The following PPARGC1A variants were observed in gnomAD, a reference collection of about 807,000 sequenced individuals.
PPARGC1A encodes PPARG coactivator 1 alpha, also known as peroxisome proliferator-activated receptor gamma coactivator 1-alpha.
Under a neutral mutation model 88.7 loss-of-function variants are expected in PPARGC1A, and 25 were observed. That is an observed-to-expected ratio of 0.28 (90% CI 0.21 to 0.39). PPARGC1A has a LOEUF of 0.39. PPARGC1A is among the 10% of genes least tolerant of loss of function. PPARGC1A has a pLI of 1.00. For synonymous variants in PPARGC1A, 363 were observed against 355.6 expected (o/e 1.02, Z -0.24); for missense variants, 880 against 968.7 (o/e 0.91, Z 1.22).
chr4:24,415,049 G>C, the PPARGC1A span, among the ~76,000 whole-genome samples: 2 of 152,056 alleles, frequency 1.3e-5, no homozygotes, highest in African/African-American at 4.8e-5. Flanking sequence ...AATTAGCTGA[G>C]TGCAGTGGCA....
At chr4:24,146,692 A>T in the PPARGC1A span, among the ~76,000 whole-genome samples, 1 of 152,208 alleles carries the variant, frequency 6.6e-6, no homozygotes, top group South Asian at 2.1e-4. Context: ...GGCCAACACC[A>T]GACCTTAACA....
At chr4:24,087,258 G>A in the PPARGC1A span, among the ~76,000 whole-genome samples, 18 of 152,286 alleles carry the variant, frequency 1.2e-4, no homozygotes, top group African/African-American at 3.4e-4. Flanking sequence ...GAAGGCTTAG[G>A]AACCTGTCTC....
At chr4:23,859,382 T>C (rs1233712059) in intron 2 of PPARGC1A, among the ~76,000 whole-genome samples, 1 of 152,094 alleles carries the variant, frequency 6.6e-6, no homozygotes, top group East Asian at 1.9e-4. Flanking sequence ...AAGGGGAAGG[T>C]ACAGGTACAT....
the PPARGC1A span, among the ~76,000 whole-genome samples, chr4:24,437,418 G>A: frequency 2.0e-5 from 3 of 152,178 alleles, no homozygotes; most frequent in Non-Finnish European, 4.4e-5. Context: ...AGGGAACGGG[G>A]GGTCCTAGGG....
chr4:24,068,547 G>A, the PPARGC1A span, among the ~76,000 whole-genome samples: 7 of 152,314 alleles, frequency 4.6e-5, no homozygotes, highest in South Asian at 1.5e-3. Context: ...TAAGAGCCAA[G>A]GCTGGGAAAA....
chr4:23,808,498 CTG>C (rs1427242564), intron 10 of PPARGC1A, among the ~76,000 whole-genome samples: 1 of 152,082 alleles, frequency 6.6e-6, no homozygotes, highest in African/African-American at 2.4e-5. Context: ...TGGCAGAAAA[CTG>C]TACAGATTGC....
rs563347130 is a variant in PPARGC1A, at chr4:23,799,899, A to T, written c.2293+1831T>A. 7.9e-5 allele frequency among the ~76,000 whole-genome samples: 12 copies of T among 152,128 alleles called. No individual in the cohort carries two copies. The South Asian group carries it at 2.3e-3, about 29-fold the overall frequency. On this transcript the variant is annotated intron_variant, in intron 12 of 12. Transcript: ENST00000264867. ...TCACTGAAGAAAATAAGTCAAATCA[A>T]CTCAAGACTTCAATCCGTCTTGACT... is the stretch of plus-strand genomic sequence containing the variant.
the PPARGC1A span, among the ~76,000 whole-genome samples, chr4:24,119,380 G>GAAAGACC: frequency 1.3e-5 from 2 of 151,840 alleles, no homozygotes; most frequent in African/African-American, 4.8e-5. Flanking sequence ...AAGACCTGGT[G>GAAAGACC]TTAGAAGGCA....
chr4:24,055,918 C>T, the PPARGC1A span, among the ~76,000 whole-genome samples: 3 of 152,198 alleles, frequency 2.0e-5, no homozygotes, highest in Non-Finnish European at 2.9e-5. Flanking sequence ...GGAACACTTT[C>T]GTCAGGTTGA....
the PPARGC1A span, among the ~76,000 whole-genome samples, chr4:24,472,538 A>G: frequency 6.6e-6 from 1 of 152,206 alleles, no homozygotes; most frequent in Non-Finnish European, 1.5e-5. The surrounding 1 kb of genome is among the most constrained non-coding windows in gnomAD (Gnocchi z 4.5). Flanking sequence ...TTAAAAATCA[A>G]ATTAAACCAA....
the PPARGC1A span, among the ~76,000 whole-genome samples, chr4:24,280,624 A>G: frequency 6.6e-6 from 1 of 152,242 alleles, no homozygotes; most frequent in South Asian, 2.1e-4. Flanking sequence ...GTGGTCGGGA[A>G]GATAACACAC....
At chr4:24,012,519 G>T in the PPARGC1A span, among the ~76,000 whole-genome samples, 1 of 151,944 alleles carries the variant, frequency 6.6e-6, no homozygotes, top group African/African-American at 2.4e-5. Context: ...ATCTTTGATG[G>T]TCTATCTCGT....
chr4:24,142,931 C>A, the PPARGC1A span, among the ~76,000 whole-genome samples: 2 of 151,912 alleles, frequency 1.3e-5, no homozygotes, highest in Non-Finnish European at 2.9e-5. Context: ...GCTGGATGCT[C>A]AAAAACCAGT....
the PPARGC1A span, among the ~76,000 whole-genome samples, chr4:24,013,404 C>T: frequency 6.6e-6 from 1 of 152,066 alleles, no homozygotes; most frequent in Non-Finnish European, 1.5e-5. Flanking sequence ...CTCCCTATTT[C>T]CCTAGGCACA....
the PPARGC1A span, among the ~76,000 whole-genome samples, chr4:24,077,380 A>G: frequency 6.6e-6 from 1 of 152,028 alleles, no homozygotes; most frequent in African/African-American, 2.4e-5. Flanking sequence ...TCATTTTCTT[A>G]TTTAATTCAA....
At chr4:24,329,595 G>A in the PPARGC1A span, among the ~76,000 whole-genome samples, 1 of 152,128 alleles carries the variant, frequency 6.6e-6, no homozygotes, top group Non-Finnish European at 1.5e-5. Context: ...CAGGTTGAAT[G>A]TCATCGGCAA....
the PPARGC1A span, among the ~76,000 whole-genome samples, chr4:24,453,967 G>A: frequency 2.6e-5 from 4 of 152,106 alleles, no homozygotes; most frequent in Admixed American, 2.6e-4. Context: ...GAACAAAATA[G>A]AAGTGATGCT....
the PPARGC1A span, among the ~76,000 whole-genome samples, chr4:24,220,320 T>C: frequency 5.3e-5 from 8 of 152,332 alleles, no homozygotes; most frequent in Non-Finnish European, 1.0e-4. Flanking sequence ...TTTGTAGATT[T>C]CTCAAAGAAA....
chr4:24,178,863 A>T, the PPARGC1A span, among the ~76,000 whole-genome samples: 2 of 152,224 alleles, frequency 1.3e-5, no homozygotes, highest in South Asian at 4.1e-4. Flanking sequence ...TTTTATAGCA[A>T]AGCAGTTGTA....
Sources: gnomAD v4.1 joint callset for allele counts (sites outside exome capture counted in the v4.1 genomes callset) on GRCh38, gnomAD v4.1.1 for gene constraint, Gnocchi (gnomAD v3.1) non-coding constraint, MANE v1.5 for transcripts, NCBI Gene and HGNC (gene_info 2026-07-23, HGNC 2026-07-21) for gene names.